Variants in CNTNAP2 observed in about 807,000 individuals in gnomAD.
CNTNAP2 encodes contactin associated protein 2, also known as contactin-associated protein-like 2.
CNTNAP2 carries 98 observed loss-of-function variants against 155.2 expected under a neutral mutation model. That is an observed-to-expected ratio of 0.63 (90% CI 0.54 to 0.75). The LOEUF (loss-of-function observed/expected upper bound fraction) is 0.75. Ranked by LOEUF, CNTNAP2 falls within the 30% of genes least tolerant of loss-of-function variation. CNTNAP2 has a pLI of 0.00. For synonymous variants in CNTNAP2, 651 were observed against 631.2 expected, an observed-to-expected ratio of 1.03 and a Z score of -0.47; for missense variants, 1,727 against 1,688.1, an observed-to-expected ratio of 1.02 and a Z score of -0.40.
At chr7:147,737,883 G>A (rs1796884077) in intron 13 of CNTNAP2, among the ~76,000 whole-genome samples, 2 of 152,208 alleles carry the variant, frequency 1.3e-5, no homozygotes, top group African/African-American at 4.8e-5. Flanking sequence ...CAATATTAGG[G>A]TGGGAGTGAC....
rs1045104207 is a variant in CNTNAP2 at position 147,966,381 on chromosome 7, G to A, written c.2256-11481G>A. Reference sequence around the variant, plus strand: ...CAAAAATTTAGGGAGTGGAGAGTCCGATTATTGTTTTTCATGAGTGTTGAA... The same window carrying A: ...CAAAAATTTAGGGAGTGGAGAGTCCAATTATTGTTTTTCATGAGTGTTGAA... On this transcript the variant is annotated intron_variant, in intron 14 of 23. Coordinates refer to ENST00000361727, the MANE Select transcript of CNTNAP2 (RefSeq NM_014141.6). Among the ~76,000 whole-genome samples the A allele has an allele frequency of 5.9e-5, 9 of 152,060 alleles. No individual in the cohort carries two copies. The South Asian group carries it at 1.2e-3, about 21-fold the overall frequency.
chr7:146,942,135 A>G (rs1460322816), intron 3 of CNTNAP2, among the ~76,000 whole-genome samples: 3 of 152,020 alleles, frequency 2.0e-5, no homozygotes, highest in Non-Finnish European at 4.4e-5. Flanking sequence ...TAACTCATAT[A>G]GTTGCTTTTT....
chr7:146,306,108 A>G (rs1166138963), intron 1 of CNTNAP2, among the ~76,000 whole-genome samples: 1 of 152,178 alleles, frequency 6.6e-6, no homozygotes. Flanking sequence ...ATCAGAGAAT[A>G]CTATAAACAC....
At chr7:146,379,883 AT>A (rs1795357327) in intron 1 of CNTNAP2, among the ~76,000 whole-genome samples, 1 of 152,154 alleles carries the variant, frequency 6.6e-6, no homozygotes, top group Non-Finnish European at 1.5e-5. Context: ...CCATAACAGA[AT>A]TTTTTTGTAG....
Position 146,738,534 on chromosome 7 carries a change from A to G in CNTNAP2, c.98-35737A>G, listed in dbSNP as rs1801658120. Among the ~76,000 whole-genome samples, 2 of 151,134 alleles carry G rather than the reference A, an allele frequency of 1.3e-5. 1 individual carries two copies. The highest frequency in any genetic ancestry group is 4.9e-5 in the African/African-American group (2 of 41,150). On this transcript the variant is annotated intron_variant, in intron 1 of 23. Transcript: ENST00000361727. ...ATGTTTCATGCGTTCCCATTTGTAT[A>G]TTTTTACTTTTGCTGCCTGTGCTTT... is the stretch of plus-strand genomic sequence containing the variant.
intron 1 of CNTNAP2, among the ~76,000 whole-genome samples, chr7:146,463,779 T>C (rs1796674713): frequency 2.0e-5 from 3 of 152,236 alleles, no homozygotes; most frequent in South Asian, 4.1e-4. Context: ...TCATCAATAC[T>C]AGATTCTAAT....
chr7:146,736,921 A>T (rs1801630260), intron 1 of CNTNAP2, among the ~76,000 whole-genome samples: 1 of 152,120 alleles, frequency 6.6e-6, no homozygotes, highest in Non-Finnish European at 1.5e-5. Flanking sequence ...TTTAAAATAT[A>T]CACACATATA....
At chr7:146,499,594 C>A (rs1020828296) in intron 1 of CNTNAP2, among the ~76,000 whole-genome samples, 1 of 151,772 alleles carries the variant, frequency 6.6e-6, no homozygotes, top group Non-Finnish European at 1.5e-5. Flanking sequence ...TCCCCTTCCT[C>A]CCCCCACACC....
chr7:148,331,599 T>C (rs796427641), intron 21 of CNTNAP2, among the ~76,000 whole-genome samples: 41 of 119,652 alleles, frequency 3.4e-4, no homozygotes, highest in East Asian at 9.1e-4. Flanking sequence ...ATGGAATGGA[T>C]GGATGGAATG....
intron 11 of CNTNAP2, 37 bp downstream of exon 11, chr7:147,486,078 G>T: frequency 6.5e-7 from 1 of 1,549,478 alleles, no homozygotes; most frequent in Non-Finnish European, 8.9e-7. Flanking sequence ...TCTTGTAATT[G>T]CATGAGAATC....
At chr7:147,704,755 T>C (rs761958491) in intron 13 of CNTNAP2, among the ~76,000 whole-genome samples, 3 of 152,236 alleles carry the variant, frequency 2.0e-5, no homozygotes, top group Non-Finnish European at 4.4e-5. Flanking sequence ...TCAATCTCAC[T>C]GCTCATTATT....
chr7:147,923,864 A>C (rs905560488), intron 14 of CNTNAP2, among the ~76,000 whole-genome samples: 1 of 152,130 alleles, frequency 6.6e-6, no homozygotes, highest in South Asian at 2.1e-4. Flanking sequence ...GTAGTCTGCA[A>C]ACACCTTGAT....
At chr7:147,423,215 A>G (rs1311059383) in intron 10 of CNTNAP2, among the ~76,000 whole-genome samples, 1 of 152,166 alleles carries the variant, frequency 6.6e-6, no homozygotes. Flanking sequence ...CTAATTCCCT[A>G]AATTAGGTTC....
intron 10 of CNTNAP2, among the ~76,000 whole-genome samples, chr7:147,435,988 A>G (rs1311471400): frequency 6.6e-6 from 1 of 152,138 alleles, no homozygotes; most frequent in Non-Finnish European, 1.5e-5. Flanking sequence ...GTTAAACCTT[A>G]TAAGGATTTA....
In CNTNAP2 at chr7:147,241,857, A is replaced by T. The variant is rs1049912749; in HGVS notation, c.1349-58284A>T. On this transcript the variant is annotated intron_variant, in intron 8 of 23. Coordinates refer to ENST00000361727, the MANE Select transcript of CNTNAP2 (RefSeq NM_014141.6). ...CAGATAACAAATGATGTTTTAGTGT[A>T]AGTATGGCCCATGCAATTCAAATTT... Among the ~76,000 whole-genome samples the T allele has an allele frequency of 2.0e-5, 3 of 152,138 alleles. No individual in the cohort carries two copies. In the South Asian group the frequency reaches 6.2e-4, roughly 31 times the overall value.
At chr7:148,095,369 G>A (rs1326449504) in intron 15 of CNTNAP2, among the ~76,000 whole-genome samples, 1 of 152,160 alleles carries the variant, frequency 6.6e-6, no homozygotes, top group East Asian at 1.9e-4. Context: ...CTCTGATCTG[G>A]CTGCACCAAT....
At chr7:148,336,912 A>G (rs970380411) in intron 21 of CNTNAP2, among the ~76,000 whole-genome samples, 1 of 152,190 alleles carries the variant, frequency 6.6e-6, no homozygotes, top group African/African-American at 2.4e-5. Context: ...GCTAACTGTG[A>G]AACGATGGGT....
At chr7:147,412,448 T>C (rs1228581146) in intron 10 of CNTNAP2, among the ~76,000 whole-genome samples, 2 of 152,202 alleles carry the variant, frequency 1.3e-5, no homozygotes, top group African/African-American at 4.8e-5. Flanking sequence ...TCTCAGGATC[T>C]GTAAGACTGG....
intron 11 of CNTNAP2, among the ~76,000 whole-genome samples, chr7:147,500,164 G>A (rs920103502): frequency 5.4e-5 from 4 of 74,202 alleles, no homozygotes; most frequent in East Asian, 1.2e-3. Context: ...GATAAAATTA[G>A]CAATATGATC....
Sources: gnomAD v4.1 joint callset for allele counts (sites outside exome capture counted in the v4.1 genomes callset) on GRCh38, gnomAD v4.1.1 for gene constraint, MANE v1.5 for transcripts, NCBI Gene and HGNC (gene_info 2026-07-23, HGNC 2026-07-21) for gene names.